The following TBC1D4 variants were observed in gnomAD, a reference collection of about 807,000 sequenced individuals.
TBC1D4 encodes the protein TBC1 domain family member 4, also known as TBC (Tre-2, BUB2, CDC16) domain-containing protein.
TBC1D4 carries 121 observed loss-of-function variants against 142.5 expected under a neutral mutation model. The observed-to-expected ratio is 0.85, with a 90% confidence interval of 0.73 to 0.99. The LOEUF (loss-of-function observed/expected upper bound fraction) is 0.99, where lower values mean the gene tolerates loss of function less well. Ranked by LOEUF, TBC1D4 falls within the 50% of genes least tolerant of loss-of-function variation. The pLI is 0.00. For synonymous variants in TBC1D4, 630 were observed against 628.2 expected (o/e 1.00, Z -0.04); for missense variants, 1,475 against 1,606.6 (o/e 0.92, Z 1.40).
chr13:75,425,870 A>G (rs1386395927), intron 1 of TBC1D4, among the ~76,000 whole-genome samples: 2 of 152,198 alleles, frequency 1.3e-5, no homozygotes, highest in African/African-American at 2.4e-5. Context: ...TAGGAGGAAC[A>G]TGTTCAAGAC....
intron 1 of TBC1D4, among the ~76,000 whole-genome samples, chr13:75,392,717 C>G (rs1267415344): frequency 6.6e-6 from 1 of 151,916 alleles, no homozygotes; most frequent in Non-Finnish European, 1.5e-5. Flanking sequence ...CTCACTGCAA[C>G]CTCGAATTCC....
intron 1 of TBC1D4, among the ~76,000 whole-genome samples, chr13:75,457,139 G>A (rs950432523): frequency 1.3e-5 from 2 of 152,120 alleles, no homozygotes; most frequent in Non-Finnish European, 2.9e-5. Context: ...GGTATCAACT[G>A]GAAGAGGGTA....
intron 19 of TBC1D4, among the ~76,000 whole-genome samples, chr13:75,291,275 AT>A: frequency 6.6e-6 from 1 of 152,120 alleles, no homozygotes; most frequent in Admixed American, 6.5e-5. Flanking sequence ...AGGGTTGGGT[AT>A]TTCTTCCCTG....
intron 2 of TBC1D4, among the ~76,000 whole-genome samples, chr13:75,360,715 A>G (rs1222642411): frequency 6.6e-6 from 1 of 152,230 alleles, no homozygotes; most frequent in African/African-American, 2.4e-5. Context: ...CTTCTGCAGG[A>G]GAACATCACA....
chr13:75,482,001 G>C lies in TBC1D4; in HGVS notation c.-234C>G. The C allele has an allele frequency of 2.1e-6, 1 of 478,036 alleles. No individual in the cohort carries two copies. Among genetic ancestry groups the C allele is most frequent in the Non-Finnish European group, 3.3e-6 (1 of 298,742 alleles). The allele number at this position is 478,036 out of a possible 1,614,324, so 29.6% of individuals were successfully genotyped here. A position where few individuals can be genotyped will look rare whatever the true frequency, so the allele number is the denominator to read the frequency against. On this transcript the variant is annotated 5_prime_UTR_variant, in exon 1 of 21. Transcript: ENST00000377636. ...ACCGAGGCAAGCGCCCGGCAGGCGA[G>C]GGCGGGTTAAATGGGCATCCTCCTC...
At chr13:75,408,481 A>G (rs983464394) in intron 1 of TBC1D4, among the ~76,000 whole-genome samples, 7 of 152,224 alleles carry the variant, frequency 4.6e-5, no homozygotes, top group African/African-American at 1.7e-4. Context: ...ATATGTATGT[A>G]TCATATAATG....
chr13:75,428,224 C>A (rs1043550320), intron 1 of TBC1D4, among the ~76,000 whole-genome samples: 37 of 152,124 alleles, frequency 2.4e-4, no homozygotes, highest in African/African-American at 8.7e-4. Context: ...AAAGCTCAAA[C>A]ATGACAGTAA....
chr13:75,293,080 A>G (rs1875512269), intron 18 of TBC1D4, among the ~76,000 whole-genome samples: 1 of 152,190 alleles, frequency 6.6e-6, no homozygotes, highest in Non-Finnish European at 1.5e-5. Context: ...GCTCGAACCC[A>G]GGAGGCAGAG....
chr13:75,456,149 A>G (rs916264655), intron 1 of TBC1D4, among the ~76,000 whole-genome samples: 7 of 152,080 alleles, frequency 4.6e-5, no homozygotes, highest in Non-Finnish European at 8.8e-5. Context: ...TGTCCAATAT[A>G]AACCATGTGG....
intron 1 of TBC1D4, among the ~76,000 whole-genome samples, chr13:75,380,761 A>C (rs1883796840): frequency 6.6e-6 from 1 of 152,192 alleles, no homozygotes; most frequent in Admixed American, 6.5e-5. Flanking sequence ...AGCCTAATGC[A>C]GTCCCCATAA....
rs1874565141 is a variant in TBC1D4 at position 75,285,265 on chromosome 13, AG to A, written c.*1526del. On this transcript the variant is annotated 3_prime_UTR_variant, in exon 21 of 21. Coordinates refer to ENST00000377636, the MANE Select transcript of TBC1D4 (RefSeq NM_014832.5). ...CAGATGTTTGTCATCTGTTCATCAAAGCTTTCTGAAACCCCTAGAGCTTTAC... is the reference window on the plus strand; with the variant it reads ...CAGATGTTTGTCATCTGTTCATCAAACTTTCTGAAACCCCTAGAGCTTTAC... 6.6e-6 allele frequency: 1 copy of A among 152,210 alleles called. No individual in the cohort carries two copies. Among genetic ancestry groups the A allele is most frequent in the African/African-American group, 2.4e-5 (1 of 41,436 alleles). 9.4% of individuals were successfully genotyped at this position (152,210 alleles called of 1,614,324 possible).
At chr13:75,368,918 C>A (rs1325479925) in intron 1 of TBC1D4, among the ~76,000 whole-genome samples, 2 of 152,104 alleles carry the variant, frequency 1.3e-5, no homozygotes, top group African/African-American at 4.8e-5. Context: ...GTGGTGTGCA[C>A]CTGTAATCCC....
chr13:75,341,356 A>G, intron 6 of TBC1D4, 121 bp from the exon 7 acceptor site: 1 of 1,257,728 alleles, frequency 8.0e-7, no homozygotes, highest in Non-Finnish European at 1.2e-6. Flanking sequence ...CAAAAGTAAA[A>G]TGGCATTCTA....
At chr13:75,413,247 C>T (rs957716138) in intron 1 of TBC1D4, among the ~76,000 whole-genome samples, 9 of 152,098 alleles carry the variant, frequency 5.9e-5, no homozygotes, top group African/African-American at 1.9e-4. Context: ...CTGCAACCTC[C>T]GTCTCCCGGG....
chr13:75,335,708 C>A lies in TBC1D4; in HGVS notation c.1731+1213G>T, dbSNP rs533365159. ...AGTATGCAGCACCTCCTCATTCTCT[C>A]TCTCTTGTTCCTGATCCCACCATGT... is the stretch of plus-strand genomic sequence containing the variant. On this transcript the variant is annotated intron_variant, in intron 8 of 20. Coordinates refer to ENST00000377636, the MANE Select transcript of TBC1D4 (RefSeq NM_014832.5). 5.9e-5 allele frequency among the ~76,000 whole-genome samples: 9 copies of A among 152,238 alleles called. 1 individual carries two copies. The highest frequency in any genetic ancestry group is 6.5e-5 in the Admixed American group (1 of 15,300).
chr13:75,356,382 G>A lies in TBC1D4; in HGVS notation c.1171-131C>T, dbSNP rs913504633. On this transcript the variant is annotated intron_variant, in intron 3 of 20. Coordinates refer to ENST00000377636, the MANE Select transcript of TBC1D4 (RefSeq NM_014832.5). ...TTCTCCTTCACAGCAATGAAGGGGG[G>A]ACATAATGCCATAGCAAACTCATGC... 15 of 725,602 alleles carry A rather than the reference G, an allele frequency of 2.1e-5. No individual in the cohort carries two copies. The East Asian group carries it at 4.0e-4, about 19-fold the overall frequency. The allele number at this position is 725,602 out of a possible 1,614,324, so 44.9% of individuals were successfully genotyped here. A position where few individuals can be genotyped will look rare whatever the true frequency, so the allele number is the denominator to read the frequency against.
At chr13:75,316,287 G>A (rs964314720) in intron 12 of TBC1D4, among the ~76,000 whole-genome samples, 11 of 152,116 alleles carry the variant, frequency 7.2e-5, no homozygotes, top group Admixed American at 4.6e-4. Flanking sequence ...TAAAAGAGGC[G>A]CATACAGTAT....
intron 1 of TBC1D4, among the ~76,000 whole-genome samples, chr13:75,447,832 G>A (rs1161371364): frequency 2.0e-5 from 3 of 151,928 alleles, no homozygotes; most frequent in East Asian, 1.9e-4. Flanking sequence ...TAAGTTGCAG[G>A]CTCCTTATGA....
chr13:75,449,953 C>T (rs1348098567), intron 1 of TBC1D4, among the ~76,000 whole-genome samples: 1 of 151,974 alleles, frequency 6.6e-6, no homozygotes, highest in Non-Finnish European at 1.5e-5. Context: ...GCCAGTGGTA[C>T]CGTGGGGTCC....
Sources: gnomAD v4.1 joint callset for allele counts (sites outside exome capture counted in the v4.1 genomes callset) on GRCh38, gnomAD v4.1.1 for gene constraint, MANE v1.5 for transcripts, NCBI Gene and HGNC (gene_info 2026-07-23, HGNC 2026-07-21) for gene names.